The following GLS variants were observed in gnomAD, a reference collection of about 807,000 sequenced individuals.
GLS encodes the protein glutaminase, also known as glutaminase kidney isoform, mitochondrial.
In GLS, 36 loss-of-function variants were observed where a neutral mutation model predicts 86.7. That is an observed-to-expected ratio of 0.42 (90% CI 0.32 to 0.55). The LOEUF is 0.55. GLS is among the 20% of genes least tolerant of loss of function. GLS has a pLI of 0.17. For synonymous variants in GLS, 317 were observed against 305.9 expected (o/e 1.04, Z -0.38); for missense variants, 528 against 833.4 (o/e 0.63, Z 4.51).
chr2:190,942,248 T>A (rs900016385), intron 14 of GLS, among the ~76,000 whole-genome samples: 4 of 151,284 alleles, frequency 2.6e-5, no homozygotes, highest in Non-Finnish European at 4.4e-5. Flanking sequence ...CCTGGCTAAT[T>A]TTTTGTATTT....
chr2:190,931,494 TAACCAATG>T, intron 13 of GLS, 43 bp from the exon 14 acceptor site: 1 of 777,498 alleles, frequency 1.3e-6, no homozygotes, highest in Non-Finnish European at 2.2e-6. Context: ...TGGATATATA[TAACCAATG>T]AATAGCCAAT....
At chr2:190,907,149 C>A (rs193167175) in intron 6 of GLS, among the ~76,000 whole-genome samples, 1 of 151,972 alleles carries the variant, frequency 6.6e-6, no homozygotes, top group African/African-American at 2.4e-5. Context: ...TGGTCTCGAT[C>A]TCCTGACCTC....
chr2:190,882,845 T>C (rs1204952867), intron 1 of GLS, among the ~76,000 whole-genome samples: 1 of 152,260 alleles, frequency 6.6e-6, no homozygotes, highest in African/African-American at 2.4e-5. Flanking sequence ...ATACTTCTGT[T>C]AAATTTGTAC....
Position 190,905,335 on chromosome 2 carries a change from G to A in GLS, c.979+168G>A. The A allele has an allele frequency of 3.6e-6, 2 of 548,416 alleles. No individual in the cohort carries two copies. Among genetic ancestry groups the A allele is most frequent in the South Asian group, 2.3e-5 (1 of 43,322 alleles). 34.0% of individuals were successfully genotyped at this position (548,416 alleles called of 1,614,324 possible). A position where few individuals can be genotyped will look rare whatever the true frequency, so the allele number is the denominator to read the frequency against. ...CTACTTTTAAAAATGATTATTTTAG[G>A]CATCTCATACCACTGGGAAGTGGGC... On this transcript the variant is annotated intron_variant, in intron 6 of 17. Coordinates refer to ENST00000320717, the MANE Select transcript of GLS (RefSeq NM_014905.5). The surrounding 1 kb of genome is among the most constrained non-coding windows in gnomAD (Gnocchi z 4.6).
chr2:190,929,201 CTT>C (rs928941088), intron 12 of GLS, among the ~76,000 whole-genome samples: 28 of 151,040 alleles, frequency 1.9e-4, no homozygotes, highest in African/African-American at 6.6e-4. Flanking sequence ...GCTAATGTAA[CTT>C]AAATTTTTTG....
At chr2:190,910,925 T>G (rs1195735110) in intron 7 of GLS, among the ~76,000 whole-genome samples, 1 of 150,384 alleles carries the variant, frequency 6.6e-6, no homozygotes, top group Non-Finnish European at 1.5e-5. Context: ...GAAATTTGCA[T>G]TGTAAGGGTT....
chr2:190,946,422 G>C (rs558105114), intron 14 of GLS, among the ~76,000 whole-genome samples: 1 of 152,242 alleles, frequency 6.6e-6, no homozygotes, highest in South Asian at 2.1e-4. Context: ...CATGACAACA[G>C]ATACTGTACT....
chr2:190,880,908 A>AGCAGCG lies in GLS; in HGVS notation c.-172_-171insGGCAGC. 1 of 826,908 alleles carries AGCAGCG rather than the reference A, an allele frequency of 1.2e-6. No homozygotes were observed. The highest frequency in any genetic ancestry group is 1.9e-6 in the Non-Finnish European group (1 of 539,658). 51.2% of individuals were successfully genotyped at this position (826,908 alleles called of 1,614,324 possible). A position where few individuals can be genotyped will look rare whatever the true frequency, so the allele number is the denominator to read the frequency against. ...CAGCAGCAGCAGCAGCAGCAGCAGC[A>AGCAGCG]GCAGCAGCAGCACCCGCATCCGCTG... On this transcript the variant is annotated 5_prime_UTR_variant, in exon 1 of 18. Coordinates refer to ENST00000320717, the MANE Select transcript of GLS (RefSeq NM_014905.5).
chr2:190,935,137 GT>G lies in GLS; in HGVS notation c.1650+3505del. The G allele has an allele frequency of 1.1e-6, 1 of 934,598 alleles. No homozygotes were observed. The highest frequency in any genetic ancestry group is 1.3e-6 in the Non-Finnish European group (1 of 783,964). The allele number at this position is 934,598 out of a possible 1,614,324, so 57.9% of individuals were successfully genotyped here. ...ATGCATATTGTTCTTGAAGTACTTT[GT>G]TTTTAGCATAAATGTTGTGCATTTT... On this transcript the variant is annotated intron_variant, in intron 14 of 17. Coordinates refer to ENST00000320717, the MANE Select transcript of GLS (RefSeq NM_014905.5). This position sits in a 1 kb window ranked among gnomAD's most constrained non-coding sequence, Gnocchi z 4.2.
intron 3 of GLS, among the ~76,000 whole-genome samples, chr2:190,900,269 G>A (rs1366804888): frequency 6.6e-6 from 1 of 152,144 alleles, no homozygotes; most frequent in Admixed American, 6.5e-5. Flanking sequence ...GATTGAGTAA[G>A]AAGCTTGTTT....
intron 1 of GLS, among the ~76,000 whole-genome samples, chr2:190,892,571 A>C (rs1291447921): frequency 6.6e-6 from 1 of 152,174 alleles, no homozygotes; most frequent in African/African-American, 2.4e-5. Flanking sequence ...TGAAAAATAC[A>C]TTATTGTGAA....
chr2:190,887,250 T>C (rs1427709729), intron 1 of GLS, among the ~76,000 whole-genome samples: 1 of 152,204 alleles, frequency 6.6e-6, no homozygotes, highest in Non-Finnish European at 1.5e-5. Flanking sequence ...AGTTTTACCC[T>C]GAAATCTACT....
chr2:190,896,743 T>TTAA (rs1471781905), intron 3 of GLS, among the ~76,000 whole-genome samples: 1 of 152,198 alleles, frequency 6.6e-6, no homozygotes, highest in African/African-American at 2.4e-5. Context: ...TTAGCTGACC[T>TTAA]TAAAGTGTAG....
Position 190,924,789 on chromosome 2 carries a change from C to A in GLS, c.1248+196C>A. On this transcript the variant is annotated intron_variant, in intron 11 of 17. Coordinates refer to ENST00000320717, the MANE Select transcript of GLS (RefSeq NM_014905.5). The surrounding 1 kb of genome is among the most constrained non-coding windows in gnomAD (Gnocchi z 5.2). The stretch of plus-strand genomic sequence containing the variant: ...AATTATTCGGGTGTGGTAGTGTGTG[C>A]CTGTAGTCCCAGTTACTTGTGAGGC... 2.1e-6 allele frequency: 1 copy of A among 471,148 alleles called. No individual in the cohort carries two copies. Among genetic ancestry groups the A allele is most frequent in the Non-Finnish European group, 3.8e-6 (1 of 261,538 alleles). 29.2% of individuals were successfully genotyped at this position (471,148 alleles called of 1,614,324 possible).
At chr2:190,912,622 G>A (rs374553164) in intron 7 of GLS, among the ~76,000 whole-genome samples, 3 of 152,088 alleles carry the variant, frequency 2.0e-5, no homozygotes, top group South Asian at 2.1e-4. Context: ...TTTATATAAC[G>A]GAGGAAACTG....
At chr2:190,922,805 C>G (rs1273841764) in intron 9 of GLS, among the ~76,000 whole-genome samples, 1 of 152,136 alleles carries the variant, frequency 6.6e-6, no homozygotes, top group East Asian at 1.9e-4. Context: ...AACCACAGTT[C>G]CTCTAATATC....
At chr2:190,927,587 T>C in intron 12 of GLS, 105 bp downstream of exon 12, 1 of 736,502 alleles carries the variant, frequency 1.4e-6, no homozygotes, top group Non-Finnish European at 2.2e-6. Context: ...TATTAATTTT[T>C]GAGAGAGAGG....
chr2:190,952,519 C>G (rs141925345), intron 14 of GLS, among the ~76,000 whole-genome samples: 1 of 152,272 alleles, frequency 6.6e-6, no homozygotes, highest in Non-Finnish European at 1.5e-5. Flanking sequence ...CAGCAATGAT[C>G]AGTTCCAGTT....
At chr2:190,896,343 T>G (rs1456366736) in intron 3 of GLS, 1 of 152,240 alleles carries the variant, frequency 6.6e-6, no homozygotes, top group African/African-American at 2.4e-5. Context: ...TCTTCATTAA[T>G]GTGTTTCTAT....
Sources: gnomAD v4.1 joint callset for allele counts (sites outside exome capture counted in the v4.1 genomes callset) on GRCh38, gnomAD v4.1.1 for gene constraint, Gnocchi (gnomAD v3.1) non-coding constraint, MANE v1.5 for transcripts, NCBI Gene and HGNC (gene_info 2026-07-23, HGNC 2026-07-21) for gene names.